The following MBNL1 variants were observed in gnomAD, a reference collection of about 807,000 sequenced individuals.
MBNL1 encodes the protein muscleblind-like protein 1.
Under a neutral mutation model 42.2 loss-of-function variants are expected in MBNL1, and 8 were observed. The ratio of observed to expected loss-of-function variants is 0.19; its 90% CI spans 0.11 to 0.34. The LOEUF is 0.34. Among genes scored for constraint, MBNL1 ranks in the 10% least tolerant of loss-of-function variants. The pLI, the probability that MBNL1 is intolerant of heterozygous loss-of-function variation, is 1.00. For missense variants in MBNL1, 309 were observed against 495.3 expected, an observed-to-expected ratio of 0.62 and a Z score of 3.57; for synonymous variants, 169 against 173.9, an observed-to-expected ratio of 0.97 and a Z score of 0.22.
chr3:152,421,184 G>A (rs753809843), intron 3 of MBNL1, among the ~76,000 whole-genome samples: 5 of 152,272 alleles, frequency 3.3e-5, no homozygotes, highest in South Asian at 4.1e-4. Context: ...AACCAAGTTG[G>A]AAAACACACT....
intron 2 of MBNL1, among the ~76,000 whole-genome samples, chr3:152,332,737 T>A (rs2433290): frequency 2.9e-5 from 3 of 104,730 alleles, no homozygotes; most frequent in South Asian, 2.8e-4. Context: ...TGTGTGTGTG[T>A]GTGCGCGCGC....
chr3:152,446,734 C>A (rs768074618), intron 5 of MBNL1: 2 of 1,613,758 alleles, frequency 1.2e-6, no homozygotes. Flanking sequence ...ACTGAAGCGA[C>A]CCCTCGAGGC....
chr3:152,379,936 G>A (rs2097108506), intron 2 of MBNL1, among the ~76,000 whole-genome samples: 1 of 152,006 alleles, frequency 6.6e-6, no homozygotes, highest in Admixed American at 6.6e-5. Flanking sequence ...TTACTAAGTA[G>A]ATATAATTTC....
At chr3:152,411,288 A>G (rs1292342752) in intron 2 of MBNL1, among the ~76,000 whole-genome samples, 3 of 152,174 alleles carry the variant, frequency 2.0e-5, no homozygotes, top group African/African-American at 7.2e-5. Flanking sequence ...TTGGGAGGCC[A>G]AGATGGGTGG....
At chr3:152,397,019 A>G (rs529203035) in intron 2 of MBNL1, among the ~76,000 whole-genome samples, 7 of 152,222 alleles carry the variant, frequency 4.6e-5, no homozygotes, top group South Asian at 2.1e-4. Flanking sequence ...CATGGTAAGT[A>G]GTAAGCTGGC....
intron 2 of MBNL1, among the ~76,000 whole-genome samples, chr3:152,357,750 A>G (rs1287830312): frequency 6.6e-6 from 1 of 152,184 alleles, no homozygotes; most frequent in Non-Finnish European, 1.5e-5. Flanking sequence ...TTGGCTATAG[A>G]CTGACATGAG....
chr3:152,340,866 C>G, intron 2 of MBNL1: 1 of 1,613,602 alleles, frequency 6.2e-7, no homozygotes, highest in Non-Finnish European at 8.5e-7. Flanking sequence ...CAAAGCCAAG[C>G]CAGTATAAAG....
chr3:152,413,211 A>T (rs2098630462), intron 2 of MBNL1, among the ~76,000 whole-genome samples: 4 of 152,222 alleles, frequency 2.6e-5, no homozygotes, highest in African/African-American at 9.6e-5. Context: ...GAATAAGTTT[A>T]ATATATATGT....
intron 7 of MBNL1, 146 bp downstream of exon 7, chr3:152,455,723 TTTAA>T (rs1732314164): frequency 2.8e-6 from 2 of 706,740 alleles, no homozygotes; most frequent in Admixed American, 2.5e-5. Flanking sequence ...CCATTTTCTG[TTTAA>T]TTGACATGGA....
At chr3:152,458,998 C>G (rs947939615) in intron 8 of MBNL1, 1 of 254,690 alleles carries the variant, frequency 3.9e-6, no homozygotes, top group Non-Finnish European at 7.5e-6. Flanking sequence ...GGGCTTCTTT[C>G]AATTACTGCT....
chr3:152,337,979 G>A (rs1318906814), intron 2 of MBNL1: 111 of 573,076 alleles, frequency 1.9e-4, no homozygotes, highest in Non-Finnish European at 2.3e-4. Flanking sequence ...TTGCGGATCA[G>A]CACCCTGGGA....
At chr3:152,453,878 T>C (rs1243447848) in intron 6 of MBNL1, among the ~76,000 whole-genome samples, 1 of 152,224 alleles carries the variant, frequency 6.6e-6, no homozygotes, top group Non-Finnish European at 1.5e-5. Context: ...AGCCTAATAA[T>C]AAATAATTGA....
chr3:152,358,023 G>A (rs879945564), intron 2 of MBNL1, among the ~76,000 whole-genome samples: 20 of 152,318 alleles, frequency 1.3e-4, no homozygotes, highest in Admixed American at 6.5e-4. Context: ...ACGCACGTGC[G>A]TGTATCTGTG....
At chr3:152,436,377 T>C (rs917555634) in intron 4 of MBNL1, among the ~76,000 whole-genome samples, 1 of 152,232 alleles carries the variant, frequency 6.6e-6, no homozygotes, top group Non-Finnish European at 1.5e-5. Flanking sequence ...ATACACCTGA[T>C]ACACCTGGAT....
chr3:152,443,020 C>CT (rs932633859), intron 4 of MBNL1, among the ~76,000 whole-genome samples: 1 of 151,988 alleles, frequency 6.6e-6, no homozygotes, highest in African/African-American at 2.4e-5. Context: ...AAGCAGTTGA[C>CT]TAAGTTTTTT....
At chr3:152,446,798 A>G in intron 5 of MBNL1, 1 of 1,554,492 alleles carries the variant, frequency 6.4e-7, no homozygotes, top group South Asian at 1.2e-5. Context: ...ATGTAGCTTT[A>G]TTGTAGATAC....
intron 2 of MBNL1, among the ~76,000 whole-genome samples, chr3:152,410,926 A>C (rs1308959788): frequency 6.6e-6 from 1 of 152,216 alleles, no homozygotes; most frequent in Non-Finnish European, 1.5e-5. Flanking sequence ...TACGCTGCTA[A>C]ATTGAGCAAC....
rs544955737 is a variant in MBNL1 at position 152,306,145 on chromosome 3, A to G, written c.174+5778A>G. On this transcript the variant is annotated intron_variant, in intron 2 of 9. Coordinates refer to ENST00000324210, the MANE Select transcript of MBNL1 (RefSeq NM_021038.5). ...GTTCTTTCCAGCTTTCTAATTGTCC[A>G]TCTTTAGAACTATTGGTTCCGATCT... Among the ~76,000 whole-genome samples, 16 of 152,274 alleles carry G rather than the reference A, an allele frequency of 1.1e-4. No individual in the cohort carries two copies. The South Asian group carries it at 3.1e-3, about 30-fold the overall frequency.
At chr3:152,360,254 G>C (rs754618990) in intron 2 of MBNL1, among the ~76,000 whole-genome samples, 1 of 151,958 alleles carries the variant, frequency 6.6e-6, no homozygotes. Flanking sequence ...ATATTTTAAA[G>C]GAAAAGCAGC....
Sources: gnomAD v4.1 joint callset for allele counts (sites outside exome capture counted in the v4.1 genomes callset) on GRCh38, gnomAD v4.1.1 for gene constraint, MANE v1.5 for transcripts, NCBI Gene and HGNC (gene_info 2026-07-23, HGNC 2026-07-21) for gene names.